Variants in CCNY observed in about 807,000 individuals in gnomAD.
CCNY encodes the protein cyclin Y.
Under a neutral mutation model 42.8 loss-of-function variants are expected in CCNY, and 19 were observed. The ratio of observed to expected loss-of-function variants is 0.44; its 90% confidence interval spans 0.31 to 0.65. The LOEUF (loss-of-function observed/expected upper bound fraction) is 0.65, where lower values mean the gene tolerates loss of function less well. Among genes scored for constraint, CCNY ranks in the 30% least tolerant of loss-of-function variants. The probability of loss-of-function intolerance (pLI) is 0.07; values close to 1 mark genes in which losing one functional copy is unlikely to be tolerated. For missense variants in CCNY, 370 were observed against 437.3 expected (o/e 0.85, Z 1.37); for synonymous variants, 165 against 162.7 (o/e 1.01, Z -0.11).
chr10:35,491,464 C>G (rs975239420), intron 2 of CCNY, among the ~76,000 whole-genome samples: 1 of 152,164 alleles, frequency 6.6e-6, no homozygotes, highest in Middle Eastern at 3.2e-3. Context: ...CCACCCCGTC[C>G]TGCCAGTGTA....
intron 1 of CCNY, among the ~76,000 whole-genome samples, chr10:35,353,423 T>C (rs1182382055): frequency 1.3e-5 from 2 of 152,216 alleles, no homozygotes; most frequent in African/African-American, 4.8e-5. Context: ...AGTTTTAGTG[T>C]GGAAGACAGA....
chr10:35,513,575 C>G (rs1840365255), intron 3 of CCNY, among the ~76,000 whole-genome samples: 1 of 152,206 alleles, frequency 6.6e-6, no homozygotes, highest in Non-Finnish European at 1.5e-5. Context: ...AGGTGCTTTA[C>G]AAATACTAAT....
At chr10:35,324,972 T>C (rs1490688510) in intron 3 of CCNY, among the ~76,000 whole-genome samples, 2 of 152,224 alleles carry the variant, frequency 1.3e-5, no homozygotes, top group Non-Finnish European at 2.9e-5. Flanking sequence ...GTCCCACTCA[T>C]GGAACCACTA....
In CCNY at chr10:35,553,319, A is replaced by G. The variant is rs114263729; in HGVS notation, c.746+134A>G. On this transcript the variant is annotated intron_variant, in intron 8 of 9. Transcript: ENST00000374704. ...GACTGAATGTCTGTTGTGAGCTGTTACAACAGGGGCATGGCTGTGGAATAT... is the reference window on the plus strand; with the variant it reads ...GACTGAATGTCTGTTGTGAGCTGTTGCAACAGGGGCATGGCTGTGGAATAT... The G allele has an allele frequency of 2.9e-4, 229 of 799,102 alleles. 1 individual carries two copies. In the African/African-American group the frequency reaches 3.7e-3, roughly 13 times the overall value. 49.5% of individuals were successfully genotyped at this position (799,102 alleles called of 1,614,324 possible). A position where few individuals can be genotyped will look rare whatever the true frequency, so the allele number is the denominator to read the frequency against.
intron 1 of CCNY, among the ~76,000 whole-genome samples, chr10:35,341,532 T>C (rs543350416): frequency 5.2e-5 from 8 of 152,386 alleles, no homozygotes; most frequent in Admixed American, 2.6e-4. Flanking sequence ...GGTTCACTGA[T>C]GTAACCAAGT....
intron 3 of CCNY, among the ~76,000 whole-genome samples, chr10:35,262,632 G>T (rs2095720895): frequency 6.6e-6 from 1 of 152,008 alleles, no homozygotes; most frequent in Admixed American, 6.6e-5. Flanking sequence ...AAAGTGCTAG[G>T]ATTACAGGGG....
intron 1 of CCNY, among the ~76,000 whole-genome samples, chr10:35,410,134 A>G (rs1201076084): frequency 3.9e-5 from 6 of 152,246 alleles, no homozygotes; most frequent in Non-Finnish European, 7.3e-5. Context: ...GGAGGGAGCC[A>G]GAGACAGACA....
intron 2 of CCNY, among the ~76,000 whole-genome samples, chr10:35,487,753 T>G (rs930712513): frequency 6.6e-6 from 1 of 152,128 alleles, no homozygotes; most frequent in African/African-American, 2.4e-5. Context: ...CTGCTTTCTT[T>G]CTTCACACAA....
At chr10:35,271,840 CCTTT>C (rs1835174638) in intron 3 of CCNY, among the ~76,000 whole-genome samples, 1 of 152,174 alleles carries the variant, frequency 6.6e-6, no homozygotes, top group Non-Finnish European at 1.5e-5. Context: ...CTCACATGCT[CCTTT>C]CTTTCTGTTG....
intron 3 of CCNY, among the ~76,000 whole-genome samples, chr10:35,328,939 G>A (rs927683869): frequency 2.0e-5 from 3 of 152,196 alleles, no homozygotes; most frequent in Non-Finnish European, 4.4e-5. Flanking sequence ...CTTACTTGGA[G>A]AAATGCAAGT....
At chr10:35,273,226 G>C (rs1450763237) in intron 3 of CCNY, among the ~76,000 whole-genome samples, 1 of 150,926 alleles carries the variant, frequency 6.6e-6, no homozygotes, top group East Asian at 1.9e-4. Flanking sequence ...TTTTGAGATG[G>C]AGTTTCGCTC....
At chr10:35,401,920 C>T (rs1444404398) in intron 1 of CCNY, among the ~76,000 whole-genome samples, 4 of 152,172 alleles carry the variant, frequency 2.6e-5, no homozygotes, top group African/African-American at 4.8e-5. Flanking sequence ...AGGCTATTTT[C>T]ACTTCTTTTG....
rs1370345192 is a variant in CCNY at position 35,570,077 on chromosome 10, C to A, written c.*907C>A. On this transcript the variant is annotated 3_prime_UTR_variant, in exon 10 of 10. Coordinates refer to ENST00000374704, the MANE Select transcript of CCNY (RefSeq NM_145012.6). The stretch of plus-strand genomic sequence containing the variant: ...AGTGCTGGGCATGTGCCTGGAACTA[C>A]CGAGTAGGAGCCATTTCTTTGTACC... 1.0e-4 allele frequency: 16 copies of A among 152,750 alleles called. No homozygotes were observed. The highest frequency in any genetic ancestry group is 9.8e-4 in the Admixed American group (15 of 15,276). The allele number at this position is 152,750 out of a possible 1,614,324, so 9.5% of individuals were successfully genotyped here.
At chr10:35,380,525 A>C (rs1281746803) in intron 1 of CCNY, among the ~76,000 whole-genome samples, 1 of 152,260 alleles carries the variant, frequency 6.6e-6, no homozygotes, top group East Asian at 1.9e-4. Flanking sequence ...AACTATACAG[A>C]ATTAAAGATA....
chr10:35,455,698 C>T (rs545572490), intron 1 of CCNY, among the ~76,000 whole-genome samples: 69 of 152,046 alleles, frequency 4.5e-4, no homozygotes, highest in Non-Finnish European at 8.4e-4. Flanking sequence ...GAACCAGGAC[C>T]ACAGTGCCAC....
upstream of CCNY, chr10:35,332,254 T>C (rs1835951955): frequency 6.6e-6 from 1 of 152,344 alleles, no homozygotes; most frequent in Middle Eastern, 3.4e-3. Flanking sequence ...AGGGCAGCCA[T>C]ACTCTGAGGA....
chr10:35,524,732 C>T (rs1840617828), intron 4 of CCNY, among the ~76,000 whole-genome samples: 1 of 152,178 alleles, frequency 6.6e-6, no homozygotes, highest in Admixed American at 6.5e-5. Flanking sequence ...ATGAATAACC[C>T]TGCCAACCTG....
At chr10:35,464,513 T>G (rs1362319812) in intron 1 of CCNY, among the ~76,000 whole-genome samples, 1 of 152,156 alleles carries the variant, frequency 6.6e-6, no homozygotes, top group Non-Finnish European at 1.5e-5. Context: ...TTCACCAATT[T>G]TTTCTCACTG....
At chr10:35,265,186 C>T (rs2095723967) in intron 3 of CCNY, among the ~76,000 whole-genome samples, 2 of 152,100 alleles carry the variant, frequency 1.3e-5, no homozygotes, top group Non-Finnish European at 1.5e-5. Context: ...TTGGGGACTG[C>T]CTACAATGAA....
Sources: allele counts gnomAD v4.1 joint callset (sites outside exome capture counted in the v4.1 genomes callset), GRCh38; gene constraint gnomAD v4.1.1; transcripts MANE v1.5; gene names NCBI Gene and HGNC (gene_info 2026-07-23, HGNC 2026-07-21).